Variants in SLC16A10 observed in about 807,000 individuals in gnomAD.
The protein encoded by SLC16A10 is solute carrier family 16 member 10.
A neutral mutation model predicts 40.0 loss-of-function variants in SLC16A10; 27 were observed. The ratio of observed to expected loss-of-function variants is 0.67; its 90% CI spans 0.50 to 0.93. The LOEUF (loss-of-function observed/expected upper bound fraction) is 0.93, where lower values mean the gene tolerates loss of function less well. Among genes scored for constraint, SLC16A10 ranks in the 40% least tolerant of loss-of-function variants. The pLI is 0.00. For missense variants in SLC16A10, 529 were observed against 658.2 expected, an observed-to-expected ratio of 0.80 and a Z score of 2.15; for synonymous variants, 213 against 249.8, an observed-to-expected ratio of 0.85 and a Z score of 1.39.
chr6:111,159,564 G>A (rs1317881814), intron 1 of SLC16A10, among the ~76,000 whole-genome samples: 2 of 151,498 alleles, frequency 1.3e-5, no homozygotes, highest in African/African-American at 4.9e-5. Context: ...CTGTTTTTTT[G>A]ACTATTAGAA....
At chr6:111,156,467 A>C (rs1772272305) in intron 1 of SLC16A10, among the ~76,000 whole-genome samples, 1 of 152,200 alleles carries the variant, frequency 6.6e-6, no homozygotes, top group South Asian at 2.1e-4. Context: ...AATGGGATGA[A>C]ATGGCACTTT....
At chr6:111,213,455 T>C (rs1283956443) in intron 4 of SLC16A10, among the ~76,000 whole-genome samples, 1 of 152,246 alleles carries the variant, frequency 6.6e-6, no homozygotes, top group Admixed American at 6.5e-5. Context: ...AGCTTCCTCT[T>C]CCGGTTCAGG....
rs138805991 is a variant in SLC16A10 at position 111,129,834 on chromosome 6, C to T, written c.343+41739C>T. Among the ~76,000 whole-genome samples the T allele has an allele frequency of 1.6e-3, 238 of 152,318 alleles. 2 individuals carry two copies. The highest frequency in any genetic ancestry group is 5.3e-3 in the African/African-American group (221 of 41,568). On this transcript the variant is annotated intron_variant, in intron 1 of 5. Coordinates refer to ENST00000368851, the MANE Select transcript of SLC16A10 (RefSeq NM_018593.5). Reference sequence around the variant, plus strand: ...AAATCTCAATGCAGAAGGCCTGAGACAACTGATAGAGACAATTGTTTCTCT... The same window carrying T: ...AAATCTCAATGCAGAAGGCCTGAGATAACTGATAGAGACAATTGTTTCTCT...
chr6:111,165,800 G>C (rs1396690926), intron 1 of SLC16A10, among the ~76,000 whole-genome samples: 2 of 152,210 alleles, frequency 1.3e-5, no homozygotes, highest in African/African-American at 2.4e-5. Context: ...ATCAGCAAAT[G>C]ATAAAAGTCA....
At chr6:111,096,802 TTTTC>T (rs890407814) in intron 1 of SLC16A10, among the ~76,000 whole-genome samples, 42 of 152,094 alleles carry the variant, frequency 2.8e-4, no homozygotes, top group Non-Finnish European at 1.3e-4. Flanking sequence ...AGTGAATCTT[TTTTC>T]TTTCTTTCTT....
intron 1 of SLC16A10, among the ~76,000 whole-genome samples, chr6:111,099,541 C>T (rs183550198): frequency 3.2e-3 from 494 of 152,100 alleles, no homozygotes; most frequent in Non-Finnish European, 5.0e-3. Context: ...TCTTGAACTC[C>T]TGGGCTCAAG....
chr6:111,206,336 C>G (rs1311622290), intron 3 of SLC16A10, among the ~76,000 whole-genome samples: 1 of 152,162 alleles, frequency 6.6e-6, no homozygotes, highest in Non-Finnish European at 1.5e-5. Flanking sequence ...CTCGACCTCC[C>G]AAAATGCTGG....
intron 1 of SLC16A10, among the ~76,000 whole-genome samples, chr6:111,092,389 G>A (rs1040140254): frequency 7.3e-6 from 1 of 137,316 alleles, no homozygotes; most frequent in African/African-American, 2.8e-5. Context: ...GCACCATCTC[G>A]GCTCACTGCA....
intron 1 of SLC16A10, among the ~76,000 whole-genome samples, chr6:111,104,078 A>G (rs1254338892): frequency 6.6e-6 from 1 of 152,144 alleles, no homozygotes; most frequent in African/African-American, 2.4e-5. Flanking sequence ...TGATTTGTCG[A>G]GGGCCGAGGA....
intron 1 of SLC16A10, among the ~76,000 whole-genome samples, chr6:111,151,577 C>T (rs1466643769): frequency 6.6e-6 from 1 of 152,202 alleles, no homozygotes; most frequent in Non-Finnish European, 1.5e-5. Flanking sequence ...TTCTGTTCTT[C>T]AAACTGTTGC....
chr6:111,126,827 A>G (rs1771683955), intron 1 of SLC16A10, among the ~76,000 whole-genome samples: 1 of 152,198 alleles, frequency 6.6e-6, no homozygotes, highest in African/African-American at 2.4e-5. Flanking sequence ...TACTAGCTCT[A>G]CCAATTACCT....
chr6:111,101,457 T>G (rs891125788), intron 1 of SLC16A10, among the ~76,000 whole-genome samples: 19 of 152,090 alleles, frequency 1.2e-4, no homozygotes, highest in Non-Finnish European at 2.4e-4. Context: ...TACCCTATAA[T>G]CAAATACATT....
intron 1 of SLC16A10, among the ~76,000 whole-genome samples, chr6:111,124,450 C>T (rs1276864999): frequency 1.3e-5 from 2 of 151,852 alleles, no homozygotes; most frequent in East Asian, 3.9e-4. Context: ...CAGCCTTGAC[C>T]TCCCAGGCTC....
intron 3 of SLC16A10, among the ~76,000 whole-genome samples, chr6:111,180,942 C>T (rs192138287): frequency 3.0e-4 from 46 of 152,166 alleles, no homozygotes; most frequent in Middle Eastern, 6.8e-3. Flanking sequence ...GGGCCTGGTG[C>T]GGTGGCTCAC....
intron 1 of SLC16A10, among the ~76,000 whole-genome samples, chr6:111,103,156 T>G (rs1771219695): frequency 2.0e-5 from 3 of 152,308 alleles, no homozygotes; most frequent in Admixed American, 1.3e-4. Context: ...TCTGCCTGCC[T>G]CAGCCTCCCG....
intron 4 of SLC16A10, among the ~76,000 whole-genome samples, chr6:111,211,121 A>T (rs1005409846): frequency 6.6e-6 from 1 of 152,082 alleles, no homozygotes; most frequent in African/African-American, 2.4e-5. Context: ...AGGATGGATT[A>T]CAGGGAGGGA....
intron 4 of SLC16A10, among the ~76,000 whole-genome samples, chr6:111,213,426 C>T (rs1340492424): frequency 1.3e-5 from 2 of 152,148 alleles, no homozygotes; most frequent in African/African-American, 4.8e-5. Flanking sequence ...AATGACTTTC[C>T]TATCCATCAG....
chr6:111,195,736 A>G (rs989029879), intron 3 of SLC16A10, among the ~76,000 whole-genome samples: 3 of 152,006 alleles, frequency 2.0e-5, no homozygotes, highest in East Asian at 3.9e-4. Context: ...CTCCAAAGAC[A>G]TTTCTTTCCC....
intron 3 of SLC16A10, among the ~76,000 whole-genome samples, chr6:111,194,036 C>T (rs1233604786): frequency 2.6e-5 from 4 of 152,118 alleles, no homozygotes; most frequent in East Asian, 1.9e-4. Context: ...GTAGGGAGAG[C>T]GTCTTCTCTT....
Sources: allele counts gnomAD v4.1 joint callset (sites outside exome capture counted in the v4.1 genomes callset), GRCh38; gene constraint gnomAD v4.1.1; transcripts MANE v1.5; gene names NCBI Gene and HGNC (gene_info 2026-07-23, HGNC 2026-07-21).